Variants in LOC122539214 observed in about 807,000 individuals in gnomAD.
At chr19:52,669,269 G>A in the LOC122539214 span, among the ~76,000 whole-genome samples, 10 of 152,224 alleles carry the variant, frequency 6.6e-5, no homozygotes, top group Admixed American at 1.3e-4. Flanking sequence ...TGACTCTCAC[G>A]TCTATTTAGA....
chr19:52,664,322 C>A, the LOC122539214 span, among the ~76,000 whole-genome samples: 1 of 151,878 alleles, frequency 6.6e-6, no homozygotes, highest in East Asian at 1.9e-4. Flanking sequence ...ATGGAGAAAG[C>A]CCGTCTCTAT....
the LOC122539214 span, among the ~76,000 whole-genome samples, chr19:52,668,073 T>C: frequency 6.6e-6 from 1 of 152,366 alleles, no homozygotes; most frequent in East Asian, 1.9e-4. Flanking sequence ...AGAAATTATA[T>C]ACTTGGTTTA....
chr19:52,689,074 A>G, the LOC122539214 span, among the ~76,000 whole-genome samples: 524 of 152,092 alleles, frequency 3.4e-3, 7 homozygotes, highest in African/African-American at 0.012. Context: ...CCTTTGATGC[A>G]GCTACAAGGC....
the LOC122539214 span, chr19:52,652,239 CA>C: frequency 4.4e-6 from 1 of 225,236 alleles, no homozygotes; most frequent in Non-Finnish European, 8.8e-6. Context: ...GAGTTGAGAG[CA>C]ACCAGGCCAA....
chr19:52,654,272 T>C, the LOC122539214 span: 18 of 1,558,022 alleles, frequency 1.2e-5, no homozygotes, highest in South Asian at 6.7e-5. Flanking sequence ...TGAATATCTT[T>C]CTTGATTTCT....
the LOC122539214 span, among the ~76,000 whole-genome samples, chr19:52,664,001 C>T: frequency 1.3e-5 from 2 of 152,186 alleles, no homozygotes; most frequent in Non-Finnish European, 2.9e-5. Context: ...ATTCTCCTGC[C>T]TGTCTCCCCA....
the LOC122539214 span, among the ~76,000 whole-genome samples, chr19:52,662,471 G>T: frequency 6.0e-4 from 92 of 152,070 alleles, no homozygotes; most frequent in African/African-American, 2.2e-3. Context: ...GAAATGACAC[G>T]ATATGGAAGG....
At chr19:52,657,534 A>G in the LOC122539214 span, among the ~76,000 whole-genome samples, 1 of 152,130 alleles carries the variant, frequency 6.6e-6, no homozygotes, top group Non-Finnish European at 1.5e-5. Flanking sequence ...TCAAAAAATA[A>G]TAAAATAATT....
chr19:52,664,289 A>T, the LOC122539214 span, among the ~76,000 whole-genome samples: 1 of 151,432 alleles, frequency 6.6e-6, no homozygotes, highest in Non-Finnish European at 1.5e-5. Context: ...TAAGCCCTAG[A>T]GTTCGAGACC....
chr19:52,672,313 A>C, the LOC122539214 span, among the ~76,000 whole-genome samples: 1 of 152,254 alleles, frequency 6.6e-6, no homozygotes, highest in Admixed American at 6.5e-5. Context: ...TATATCTGTA[A>C]GTTAACATGT....
At chr19:52,674,981 A>G in the LOC122539214 span, among the ~76,000 whole-genome samples, 1 of 152,168 alleles carries the variant, frequency 6.6e-6, no homozygotes, top group Non-Finnish European at 1.5e-5. Context: ...TTGGGCTCCC[A>G]AAGTGCTGGG....
chr19:52,652,712 A>T, the LOC122539214 span: 1 of 672,292 alleles, frequency 1.5e-6, no homozygotes, highest in Non-Finnish European at 2.6e-6. Context: ...ACTTTGTGAG[A>T]ATCATTACAT....
the LOC122539214 span, among the ~76,000 whole-genome samples, chr19:52,679,130 T>C: frequency 1.3e-5 from 2 of 152,208 alleles, no homozygotes; most frequent in Non-Finnish European, 2.9e-5. Flanking sequence ...GTGACACATA[T>C]TGGTGTGAAA....
chr19:52,687,863 A>T, the LOC122539214 span, among the ~76,000 whole-genome samples: 1 of 150,712 alleles, frequency 6.6e-6, no homozygotes. Context: ...TTGTGTAATA[A>T]CAGAAAGTGA....
chr19:52,672,637 T>C, the LOC122539214 span, among the ~76,000 whole-genome samples: 6 of 152,216 alleles, frequency 3.9e-5, no homozygotes, highest in African/African-American at 1.4e-4. Flanking sequence ...TTGGTTCTTG[T>C]TGCCTAGGCT....
chr19:52,662,661 C>T, the LOC122539214 span, among the ~76,000 whole-genome samples: 7 of 152,122 alleles, frequency 4.6e-5, no homozygotes, highest in Admixed American at 2.6e-4. Context: ...TTTGGCCAAT[C>T]ATTTCAGGGG....
chr19:52,668,264 A>G, the LOC122539214 span, among the ~76,000 whole-genome samples: 1 of 152,186 alleles, frequency 6.6e-6, no homozygotes, highest in African/African-American at 2.4e-5. Flanking sequence ...ACTGCTGTTC[A>G]TACAGCAGAA....
the LOC122539214 span, among the ~76,000 whole-genome samples, chr19:52,684,273 G>A: frequency 6.6e-6 from 1 of 151,998 alleles, no homozygotes; most frequent in Non-Finnish European, 1.5e-5. Flanking sequence ...GGCTGAGGCA[G>A]GAGAATTGCT....
chr19:52,671,949 T>C, the LOC122539214 span, among the ~76,000 whole-genome samples: 1 of 152,126 alleles, frequency 6.6e-6, no homozygotes, highest in Admixed American at 6.6e-5. Flanking sequence ...AGTTATAAAA[T>C]TGGCTGGGCA....
Sources: allele counts gnomAD v4.1 joint callset (sites outside exome capture counted in the v4.1 genomes callset), GRCh38; gene constraint gnomAD v4.1.1; transcripts MANE v1.5.